Variants in ARHGAP15 observed in about 807,000 individuals in gnomAD.
The protein encoded by ARHGAP15 is rho GTPase-activating protein 15.
Under a neutral mutation model 63.7 loss-of-function variants are expected in ARHGAP15, and 51 were observed. The ratio of observed to expected loss-of-function variants is 0.80; its 90% CI spans 0.64 to 1.01. ARHGAP15 has a LOEUF of 1.01. Among genes scored for constraint, ARHGAP15 ranks in the 50% least tolerant of loss-of-function variants. ARHGAP15 has a pLI of 0.00. For missense variants in ARHGAP15, 560 were observed against 564.6 expected (o/e 0.99, Z 0.08); for synonymous variants, 191 against 193.8 (o/e 0.99, Z 0.12).
At chr2:143,193,244 AC>A (rs1053993154) in intron 2 of ARHGAP15, 1 of 152,658 alleles carries the variant, frequency 6.6e-6, no homozygotes, top group Non-Finnish European at 1.5e-5. Flanking sequence ...GCACCTACAC[AC>A]TAAGGGCAAG....
chr2:143,376,816 T>G (rs145154583), intron 6 of ARHGAP15, among the ~76,000 whole-genome samples: 1,563 of 152,244 alleles, frequency 0.01, 27 homozygotes, highest in African/African-American at 0.035. Flanking sequence ...CAGCTCAGTT[T>G]AATATTTTGA....
chr2:143,674,601 G>A (rs1175047529), intron 12 of ARHGAP15, among the ~76,000 whole-genome samples: 1 of 152,070 alleles, frequency 6.6e-6, no homozygotes, highest in Non-Finnish European at 1.5e-5. Flanking sequence ...AGAGATTGTG[G>A]GGTCAATTTC....
chr2:143,267,485 A>C (rs1028624736), intron 6 of ARHGAP15, among the ~76,000 whole-genome samples: 16 of 152,208 alleles, frequency 1.1e-4, no homozygotes, highest in Non-Finnish European at 7.3e-5. Flanking sequence ...TGCATCAATA[A>C]TTATTTAAGT....
intron 9 of ARHGAP15, among the ~76,000 whole-genome samples, chr2:143,508,389 C>T (rs182272646): frequency 1.7e-3 from 263 of 152,286 alleles, no homozygotes; most frequent in African/African-American, 6.3e-3. Flanking sequence ...TTTTCCATAG[C>T]GCTTATCACC....
At chr2:143,227,723 A>G (rs1693270524) in intron 4 of ARHGAP15, among the ~76,000 whole-genome samples, 1 of 152,124 alleles carries the variant, frequency 6.6e-6, no homozygotes, top group Non-Finnish European at 1.5e-5. Context: ...TGGACCTATT[A>G]TATGCAATTT....
chr2:143,484,481 G>A (rs1287300550), intron 8 of ARHGAP15, among the ~76,000 whole-genome samples: 1 of 152,120 alleles, frequency 6.6e-6, no homozygotes, highest in African/African-American at 2.4e-5. Flanking sequence ...GCAGTGAGCT[G>A]AGATTGTGCC....
chr2:143,375,818 ATGCCAGC>A (rs1181843046), intron 6 of ARHGAP15, among the ~76,000 whole-genome samples: 1 of 152,222 alleles, frequency 6.6e-6, no homozygotes, highest in African/African-American at 2.4e-5. Context: ...GAACAGGGAA[ATGCCAGC>A]TGAGACCCCA....
intron 12 of ARHGAP15, among the ~76,000 whole-genome samples, chr2:143,683,979 A>T (rs1215079496): frequency 6.6e-6 from 1 of 152,208 alleles, no homozygotes; most frequent in Admixed American, 6.5e-5. Context: ...AAGACAAAAA[A>T]CTTTCTGCAT....
intron 8 of ARHGAP15, among the ~76,000 whole-genome samples, chr2:143,462,777 G>T (rs11903010): frequency 1.1e-3 from 162 of 145,354 alleles, no homozygotes; most frequent in African/African-American, 4.5e-3. Flanking sequence ...GTAGTAAGAT[G>T]GATGGATGGA....
At chr2:143,351,345 T>C (rs1685562929) in intron 6 of ARHGAP15, 1 of 152,174 alleles carries the variant, frequency 6.6e-6, no homozygotes, top group Admixed American at 6.5e-5. Flanking sequence ...TGCTTTAATA[T>C]CATCAGGGAA....
chr2:143,254,157 C>T (rs1000218929), intron 6 of ARHGAP15, among the ~76,000 whole-genome samples: 3 of 151,990 alleles, frequency 2.0e-5, no homozygotes, highest in Non-Finnish European at 4.4e-5. Context: ...TGGTGTTTAG[C>T]CTGAAATTTA....
intron 13 of ARHGAP15, among the ~76,000 whole-genome samples, chr2:143,736,936 TAATAG>T (rs1425446712): frequency 2.0e-5 from 3 of 152,224 alleles, no homozygotes; most frequent in Non-Finnish European, 2.9e-5. Flanking sequence ...ATTTTAGACA[TAATAG>T]AATATTTTTC....
intron 8 of ARHGAP15, among the ~76,000 whole-genome samples, chr2:143,473,981 T>C (rs1263862794): frequency 1.3e-5 from 2 of 152,176 alleles, no homozygotes; most frequent in African/African-American, 4.8e-5. Flanking sequence ...GCCCGTTCAA[T>C]AGTCCAAAAG....
chr2:143,320,415 C>CCCCCCGCCCG (rs1558890350), intron 6 of ARHGAP15, among the ~76,000 whole-genome samples: 2 of 97,828 alleles, frequency 2.0e-5, no homozygotes, highest in Non-Finnish European at 4.3e-5. Context: ...CCCACCCCCC[C>CCCCCCGCCCG]CCCCCCCAGA....
chr2:143,683,338 G>C (rs1683191073), intron 12 of ARHGAP15, among the ~76,000 whole-genome samples: 2 of 151,968 alleles, frequency 1.3e-5, no homozygotes, highest in Non-Finnish European at 2.9e-5. Context: ...TATTTTGCTA[G>C]CAAATAAACA....
chr2:143,521,162 T>C (rs1014034107), intron 10 of ARHGAP15, among the ~76,000 whole-genome samples: 1 of 152,158 alleles, frequency 6.6e-6, no homozygotes, highest in Non-Finnish European at 1.5e-5. Flanking sequence ...CATATGATTA[T>C]TAAAATAATT....
intron 2 of ARHGAP15, among the ~76,000 whole-genome samples, chr2:143,184,480 GT>G (rs1227403689): frequency 2.0e-5 from 3 of 152,138 alleles, no homozygotes; most frequent in Non-Finnish European, 2.9e-5. Flanking sequence ...AGATTCTTAT[GT>G]GGCCTCAAGG....
At chr2:143,191,409 G>T (rs1301267314) in intron 2 of ARHGAP15, among the ~76,000 whole-genome samples, 1 of 152,136 alleles carries the variant, frequency 6.6e-6, no homozygotes, top group South Asian at 2.1e-4. Context: ...GAAGTTTGTG[G>T]TGAATTCAAA....
chr2:143,541,945 C>A (rs182005320), intron 10 of ARHGAP15, among the ~76,000 whole-genome samples: 1 of 152,300 alleles, frequency 6.6e-6, no homozygotes, highest in African/African-American at 2.4e-5. Context: ...TTATTGCTGT[C>A]TTTTGTTTGT....
Sources: allele counts gnomAD v4.1 joint callset (sites outside exome capture counted in the v4.1 genomes callset), GRCh38; gene constraint gnomAD v4.1.1; transcripts MANE v1.5; gene names NCBI Gene and HGNC (gene_info 2026-07-23, HGNC 2026-07-21).